The following PTMA variants were observed in gnomAD, a reference collection of about 807,000 sequenced individuals.
PTMA encodes gene sequence 28.
In PTMA, 4 loss-of-function variants were observed where a neutral mutation model predicts 16.9. The ratio of observed to expected loss-of-function variants is 0.24; its 90% CI spans 0.12 to 0.54. The LOEUF (loss-of-function observed/expected upper bound fraction) is 0.54, where lower values mean the gene tolerates loss of function less well. Ranked by LOEUF, PTMA falls within the 20% of genes least tolerant of loss-of-function variation. PTMA has a pLI of 0.95. For synonymous variants in PTMA, 58 were observed against 47.9 expected, an observed-to-expected ratio of 1.21 and a Z score of -0.87; for missense variants, 120 against 137.7, an observed-to-expected ratio of 0.87 and a Z score of 0.64.
chr2:231,710,496 G>A, intron 1 of PTMA: 1 of 1,056,186 alleles, frequency 9.5e-7, no homozygotes, highest in Non-Finnish European at 1.3e-6. Flanking sequence ...GGAGCGGGGC[G>A]GGCCGGACTG....
chr2:231,712,588 A>C (rs1291701584), intron 4 of PTMA, 72 bp downstream of exon 4: 3 of 1,513,170 alleles, frequency 2.0e-6, no homozygotes, highest in Non-Finnish European at 9.2e-7. Context: ...TGAGGTGCTC[A>C]AGCTGCGGAG....
chr2:231,712,586 T>G lies in PTMA; in HGVS notation c.285+70T>G, dbSNP rs1468967638. The G allele has an allele frequency of 3.3e-6, 5 of 1,517,602 alleles. No individual in the cohort carries two copies. The African/African-American group carries it at 6.9e-5, about 21-fold the overall frequency. The allele number at this position is 1,517,602 out of a possible 1,614,324, so 94.0% of individuals were successfully genotyped here. A position where few individuals can be genotyped will look rare whatever the true frequency, so the allele number is the denominator to read the frequency against. ...CCCCACCTGCCTTTAGCTGAGGTGC[T>G]CAAGCTGCGGAGGGACTGTTTCTGA... On this transcript the variant is annotated intron_variant, in intron 4 of 4. Transcript: ENST00000409115.
intron 1 of PTMA, chr2:231,710,260 C>T (rs748952486): frequency 3.0e-6 from 4 of 1,333,488 alleles, no homozygotes; most frequent in Non-Finnish European, 3.9e-6. Flanking sequence ...GACCCGCGCG[C>T]GTGCCACTGC....
intron 1 of PTMA, chr2:231,710,740 C>A (rs1411649590): frequency 2.9e-6 from 1 of 338,990 alleles, no homozygotes; most frequent in Non-Finnish European, 6.0e-6. Flanking sequence ...CGGCAGGCCC[C>A]GGCCTGGGGC....
chr2:231,709,426 A>T (rs1218273242), intron 1 of PTMA, among the ~76,000 whole-genome samples: 3 of 152,140 alleles, frequency 2.0e-5, no homozygotes, highest in Non-Finnish European at 4.4e-5. Flanking sequence ...GCGGCCGCCC[A>T]GCTTCAGTCA....
chr2:231,709,608 G>C (rs1225033824), intron 1 of PTMA, among the ~76,000 whole-genome samples: 1 of 152,184 alleles, frequency 6.6e-6, no homozygotes, highest in African/African-American at 2.4e-5. Flanking sequence ...GGCCGCGACA[G>C]GCCAATGGTA....
chr2:231,711,551 C>G (rs903213715), intron 2 of PTMA, 132 bp downstream of exon 2: 2 of 866,872 alleles, frequency 2.3e-6, no homozygotes, highest in Non-Finnish European at 3.6e-6. Context: ...AGTATCGTAG[C>G]CAATGAGCTT....
At position 231,711,873 on chromosome 2, in the gene PTMA, T is replaced by A; in HGVS notation, c.118-17T>A. On this transcript the variant is annotated splice_polypyrimidine_tract_variant and intron_variant, in intron 2 of 4. Transcript: ENST00000409115. Reference sequence around the variant, plus strand: ...GGGGCCAGCTGGTAATGACATGGCCTGTTTTCTGTCGAGGAGAATGAGGAA... The same window carrying A: ...GGGGCCAGCTGGTAATGACATGGCCAGTTTTCTGTCGAGGAGAATGAGGAA... 1 of 1,612,262 alleles carries A rather than the reference T, an allele frequency of 6.2e-7. No individual in the cohort carries two copies.
chr2:231,712,687 G>A (rs866602914), intron 4 of PTMA, 117 bp from the exon 5 acceptor site: 3 of 1,373,506 alleles, frequency 2.2e-6, no homozygotes, highest in Middle Eastern at 1.8e-4. Context: ...CTTCCCAGAG[G>A]CCTTGGGCTG....
chr2:231,709,018 GC>G (rs1224081202), intron 1 of PTMA, among the ~76,000 whole-genome samples: 1 of 152,206 alleles, frequency 6.6e-6, no homozygotes, highest in Non-Finnish European at 1.5e-5. Context: ...CCGGCTCACG[GC>G]CCTCGAAACT....
At chr2:231,710,616 A>G in intron 1 of PTMA, 1 of 476,558 alleles carries the variant, frequency 2.1e-6, no homozygotes, top group Non-Finnish European at 4.2e-6. Flanking sequence ...GTGTGGAAAA[A>G]GTTACCGGGC....
chr2:231,712,703 C>A (rs372241948), intron 4 of PTMA, 101 bp from the exon 5 acceptor site: 2 of 1,433,980 alleles, frequency 1.4e-6, no homozygotes. Context: ...GGCTGTGGAG[C>A]TGGGGGTCCC....
intron 1 of PTMA, chr2:231,710,491 G>A (rs1196053796): frequency 2.9e-6 from 3 of 1,033,856 alleles, no homozygotes; most frequent in South Asian, 1.7e-5. Flanking sequence ...GGAGCGGAGC[G>A]GGGCGGGCCG....
chr2:231,712,762 T>C (rs1448210371), intron 4 of PTMA, 42 bp from the exon 5 acceptor site: 2 of 1,573,590 alleles, frequency 1.3e-6, no homozygotes, highest in South Asian at 1.2e-5. Flanking sequence ...TGGATAGGGC[T>C]CCTGGGGTTG....
rs558405680 is a variant in PTMA at position 231,713,117 on chromosome 2, G to C, written c.*266G>C. On this transcript the variant is annotated 3_prime_UTR_variant, in exon 5 of 5. Transcript: ENST00000409115. Reference sequence around the variant, plus strand: ...AGTACTTTAAAAAGGAAATTTGTTTGTATTTTTTATTTACATTTTATATTT... The same window carrying C: ...AGTACTTTAAAAAGGAAATTTGTTTCTATTTTTTATTTACATTTTATATTT... 4.2e-6 allele frequency: 2 copies of C among 472,092 alleles called. No individual in the cohort carries two copies. The highest frequency in any genetic ancestry group is 2.0e-5 in the African/African-American group (1 of 50,124). The allele number at this position is 472,092 out of a possible 1,614,324, so 29.2% of individuals were successfully genotyped here.
At chr2:231,712,705 G>C (rs2106246342) in intron 4 of PTMA, 99 bp from the exon 5 acceptor site, 1 of 1,440,862 alleles carries the variant, frequency 6.9e-7, no homozygotes, top group African/African-American at 1.4e-5. Flanking sequence ...CTGTGGAGCT[G>C]GGGGTCCCTG....
At chr2:231,710,166 C>G in intron 1 of PTMA, 4 of 1,281,468 alleles carry the variant, frequency 3.1e-6, no homozygotes, top group Non-Finnish European at 4.0e-6. Context: ...TCCCGTGGGA[C>G]TTGGCCCGCC....
chr2:231,710,270 C>T (rs560226638), intron 1 of PTMA: 5 of 1,314,134 alleles, frequency 3.8e-6, no homozygotes, highest in Admixed American at 6.3e-5. Context: ...CGTGCCACTG[C>T]AAGCTCTGCC....
intron 1 of PTMA, 149 bp from the exon 2 acceptor site, chr2:231,711,199 A>G: frequency 3.1e-6 from 2 of 643,886 alleles, no homozygotes; most frequent in Admixed American, 2.5e-5. Context: ...TGGGAGAGGG[A>G]CCGCAGGGGC....
Sources: gnomAD v4.1 joint callset for allele counts (sites outside exome capture counted in the v4.1 genomes callset) on GRCh38, gnomAD v4.1.1 for gene constraint, MANE v1.5 for transcripts, NCBI Gene and HGNC (gene_info 2026-07-23, HGNC 2026-07-21) for gene names.